Variants in HSPG2 observed in about 807,000 individuals in gnomAD.
HSPG2 encodes the protein heparan sulfate proteoglycan 2.
In HSPG2, 278 loss-of-function variants were observed where a neutral mutation model predicts 526.6. That is an observed-to-expected ratio of 0.53 (90% CI 0.48 to 0.58). HSPG2 has a LOEUF of 0.58. Among genes scored for constraint, HSPG2 ranks in the 20% least tolerant of loss-of-function variants. The pLI is 0.00. For missense variants in HSPG2, 5,354 were observed against 6,099.5 expected, an observed-to-expected ratio of 0.88 and a Z score of 4.07; for synonymous variants, 2,465 against 2,555.4, an observed-to-expected ratio of 0.96 and a Z score of 1.07.
At chr1:21,871,826 A>G (rs1289628316) in intron 33 of HSPG2, among the ~76,000 whole-genome samples, 1 of 151,558 alleles carries the variant, frequency 6.6e-6, no homozygotes, top group Non-Finnish European at 1.5e-5. Flanking sequence ...GTGAAGTCGG[A>G]GCGGGCACGT....
At chr1:21,884,437 C>T (rs542770914) in intron 13 of HSPG2, 91 bp downstream of exon 13, 1 of 1,527,782 alleles carries the variant, frequency 6.5e-7, no homozygotes, top group African/African-American at 1.4e-5. Flanking sequence ...CGAAACCTGG[C>T]CCCCTCTGTC....
Position 21,867,134 on chromosome 1 carries a change from T to TTA in HSPG2, c.4222-1326_4222-1325insTA, listed in dbSNP as rs55993506. ...TTGCTCAGGCACTTTTTTTTTTTTT[T>TTA]AAATAGAGATGGGGTCTCCCTATGT... On this transcript the variant is annotated intron_variant, in intron 33 of 96. Transcript: ENST00000374695. Among the ~76,000 whole-genome samples, 890 of 150,552 alleles carry TTA rather than the reference T, an allele frequency of 5.9e-3. 23 individuals carry two copies. Among genetic ancestry groups the TTA allele is most frequent in the African/African-American group, 0.02 (805 of 40,698 alleles).
At position 21,827,931 on chromosome 1, in the gene HSPG2, G is replaced by C; in HGVS notation, c.12533-12C>G. On this transcript the variant is annotated splice_polypyrimidine_tract_variant and intron_variant, in intron 90 of 96. Coordinates refer to ENST00000374695, the MANE Select transcript of HSPG2 (RefSeq NM_005529.7). ...GCCATGTCCAGAGCCTATGGAGAAGGGCAGGGTCCAGTTGGTGGGCATAGA... is the reference window on the plus strand; with the variant it reads ...GCCATGTCCAGAGCCTATGGAGAAGCGCAGGGTCCAGTTGGTGGGCATAGA... 1 of 1,605,470 alleles carries C rather than the reference G, an allele frequency of 6.2e-7. No individual in the cohort carries two copies. Among genetic ancestry groups the C allele is most frequent in the Non-Finnish European group, 8.5e-7 (1 of 1,176,448 alleles).
In HSPG2 at chr1:21,887,122, G is replaced by GC. The variant is rs1330969892; in HGVS notation, c.1078+92dup. ...ACTGGGGAGGGGGGAAAGCGGAGGG[G>GC]CAGGGTAGGGGCGGGGCAGGAGTGG... On this transcript the variant is annotated intron_variant, in intron 9 of 96. Coordinates refer to ENST00000374695, the MANE Select transcript of HSPG2 (RefSeq NM_005529.7). The surrounding 1 kb of genome is among the most constrained non-coding windows in gnomAD (Gnocchi z 5.0). 8.5e-6 allele frequency: 10 copies of GC among 1,176,916 alleles called. No individual in the cohort carries two copies. Among genetic ancestry groups the GC allele is most frequent in the Middle Eastern group, 3.0e-4 (1 of 3,350 alleles). The allele number at this position is 1,176,916 out of a possible 1,614,324, so 72.9% of individuals were successfully genotyped here.
At chr1:21,921,227 T>G (rs1044621584) in intron 1 of HSPG2, among the ~76,000 whole-genome samples, 2 of 151,908 alleles carry the variant, frequency 1.3e-5, no homozygotes, top group African/African-American at 2.4e-5. Context: ...CTGGCAGAGT[T>G]GGGGGTTGGA....
chr1:21,861,092 T>C (rs149487841), intron 39 of HSPG2, among the ~76,000 whole-genome samples: 518 of 152,370 alleles, frequency 3.4e-3, no homozygotes, highest in Non-Finnish European at 5.6e-3. Flanking sequence ...TTTGCACAAT[T>C]ACTTTTTCCC....
In HSPG2 at chr1:21,831,151, G is replaced by A; in HGVS notation, c.11563-61C>T. The stretch of plus-strand genomic sequence containing the variant: ...TTCAGTACCCCCCATAATCCCCACA[G>A]GGGCCAGCCATGGCTAGGGGTGGAG... On this transcript the variant is annotated intron_variant, in intron 84 of 96. Transcript: ENST00000374695. The A allele has an allele frequency of 3.1e-6, 5 of 1,605,352 alleles. No homozygotes were observed. In the South Asian group the frequency reaches 4.4e-5, roughly 14 times the overall value.
chr1:21,908,589 T>TA (rs75768483), intron 1 of HSPG2: 6,762 of 560,688 alleles, frequency 0.012, 5 homozygotes, highest in African/African-American at 0.02. Context: ...AATAGGTATT[T>TA]AAAAAAAAAA....
intron 86 of HSPG2, 97 bp from the exon 87 acceptor site, chr1:21,829,701 C>T: frequency 4.6e-6 from 5 of 1,077,590 alleles, no homozygotes; most frequent in Non-Finnish European, 6.7e-6. Context: ...GCCTGCCTCA[C>T]TCTCCAGGCC....
At position 21,839,035 on chromosome 1, in the gene HSPG2, C is replaced by T. The variant is rs141399373; in HGVS notation, c.9940G>A (p.Glu3314Lys). The change falls in exon 74 of 97, where the codon GAG (glutamate) becomes AAG (lysine). Residue 3314 changes from glutamate (E) to lysine (K), a missense_variant. Transcript: ENST00000374695. This position sits in a 1 kb window ranked among gnomAD's most constrained non-coding sequence, Gnocchi z 4.5. ...VPEHASVQAG[E>K]TVQLQCLAHG... ...GCCAGGCACTGGAGCTGCACCGTCTCCCCTGCCTGCACCGAAGCGTGCTCT... is the reference window on the plus strand; with the variant it reads ...GCCAGGCACTGGAGCTGCACCGTCTTCCCTGCCTGCACCGAAGCGTGCTCT... 4.6e-5 allele frequency: 73 copies of T among 1,600,816 alleles called. No individual in the cohort carries two copies. The African/African-American group carries it at 9.0e-4, about 20-fold the overall frequency.
chr1:21,830,083 C>T lies in HSPG2; in HGVS notation c.11680G>A (p.Gly3894Arg). 6.3e-7 allele frequency: 1 copy of T among 1,596,732 alleles called. No individual in the cohort carries two copies. Residue 3894 changes from glycine to arginine, a missense_variant, in exon 86 of 97, where the codon GGG (glycine) becomes AGG (arginine). Physicochemically the swap from Gly to Arg is moderately radical, Grantham distance 125. Transcript: ENST00000374695. ...QALHCHPEAC[G>R]PDATCVNRPD... Reference sequence around the variant, plus strand: ...CGGTTCACACAGGTGGCGTCGGGCCCACAGGCCTCTGGGGGGCACATAGGC... The same window carrying T: ...CGGTTCACACAGGTGGCGTCGGGCCTACAGGCCTCTGGGGGGCACATAGGC...
Position 21,873,213 on chromosome 1 carries a change from C to G in HSPG2, c.3794-122G>C, listed in dbSNP as rs116566663. 158 of 1,139,326 alleles carry G rather than the reference C, an allele frequency of 1.4e-4. No individual in the cohort carries two copies. In the South Asian group the frequency reaches 1.9e-3, roughly 13 times the overall value. 70.6% of individuals were successfully genotyped at this position (1,139,326 alleles called of 1,614,324 possible). A position where few individuals can be genotyped will look rare whatever the true frequency, so the allele number is the denominator to read the frequency against. Reference sequence around the variant, plus strand: ...CTGATGTGAGTACTCAACACTCTCACGACAGCCCTCGGAGGTGGTGGGGCC... The same window carrying G: ...CTGATGTGAGTACTCAACACTCTCAGGACAGCCCTCGGAGGTGGTGGGGCC... On this transcript the variant is annotated intron_variant, in intron 30 of 96. Transcript: ENST00000374695.
Position 21,890,218 on chromosome 1 carries a change from C to T in HSPG2, c.414-77G>A, listed in dbSNP as rs1642252489. 7.7e-6 allele frequency: 12 copies of T among 1,558,752 alleles called. No individual in the cohort carries two copies. Among genetic ancestry groups the T allele is most frequent in the Admixed American group, 5.0e-5 (3 of 59,874 alleles). Reference sequence around the variant, plus strand: ...CAGCTCCTCCATGAGGCTCCCGCCCCGACGCTCAGGCCCTGTTCCGGGACA... The same window carrying T: ...CAGCTCCTCCATGAGGCTCCCGCCCTGACGCTCAGGCCCTGTTCCGGGACA... On this transcript the variant is annotated intron_variant, in intron 5 of 96. Coordinates refer to ENST00000374695, the MANE Select transcript of HSPG2 (RefSeq NM_005529.7). The surrounding 1 kb of genome is among the most constrained non-coding windows in gnomAD (Gnocchi z 4.1).
At chr1:21,845,554 A>G (rs1169186842) in intron 64 of HSPG2, among the ~76,000 whole-genome samples, 1 of 151,860 alleles carries the variant, frequency 6.6e-6, no homozygotes, top group Non-Finnish European at 1.5e-5. Context: ...AATTTTTTGT[A>G]TTTTTAGTAG....
chr1:21,922,847 A>G (rs9426784), intron 1 of HSPG2, among the ~76,000 whole-genome samples: 5 of 152,050 alleles, frequency 3.3e-5, no homozygotes, highest in Admixed American at 3.3e-4. Context: ...CCATCCCAGT[A>G]CCCCCTCCTC....
chr1:21,914,656 C>T (rs1257926882), intron 1 of HSPG2, among the ~76,000 whole-genome samples: 2 of 152,190 alleles, frequency 1.3e-5, no homozygotes, highest in Non-Finnish European at 2.9e-5. Flanking sequence ...CCAGCTGCAG[C>T]TCCTTGCAGG....
intron 1 of HSPG2, among the ~76,000 whole-genome samples, chr1:21,933,673 G>T (rs1266901268): frequency 6.6e-6 from 1 of 152,242 alleles, no homozygotes; most frequent in Non-Finnish European, 1.5e-5. Context: ...CAGACAGGGG[G>T]AAATGGGCCT....
intron 74 of HSPG2, among the ~76,000 whole-genome samples, chr1:21,837,678 C>T (rs1051971057): frequency 2.0e-5 from 3 of 149,460 alleles, no homozygotes; most frequent in African/African-American, 7.7e-5. Flanking sequence ...GGCAAAGACA[C>T]CTACACATGC....
chr1:21,890,231 C>T lies in HSPG2; in HGVS notation c.414-90G>A, dbSNP rs1642254211. 6.6e-7 allele frequency: 1 copy of T among 1,517,476 alleles called. No individual in the cohort carries two copies. Among genetic ancestry groups the T allele is most frequent in the African/African-American group, 1.4e-5 (1 of 73,326 alleles). The allele number at this position is 1,517,476 out of a possible 1,614,324, so 94.0% of individuals were successfully genotyped here. The stretch of plus-strand genomic sequence containing the variant: ...AGGCTCCCGCCCCGACGCTCAGGCC[C>T]TGTTCCGGGACAGCCTGTACCCAAA... On this transcript the variant is annotated intron_variant, in intron 5 of 96. Transcript: ENST00000374695. This position sits in a 1 kb window ranked among gnomAD's most constrained non-coding sequence, Gnocchi z 4.1.
Sources: allele counts gnomAD v4.1 joint callset (sites outside exome capture counted in the v4.1 genomes callset), GRCh38; gene constraint gnomAD v4.1.1; non-coding constraint Gnocchi (gnomAD v3.1); transcripts MANE v1.5; gene names NCBI Gene and HGNC (gene_info 2026-07-23, HGNC 2026-07-21).